The following POLE variants were observed in gnomAD, a reference collection of about 807,000 sequenced individuals.
The protein encoded by POLE is DNA polymerase epsilon catalytic subunit A.
In POLE, 188 loss-of-function variants were observed where a neutral mutation model predicts 279.2. The observed-to-expected ratio is 0.67, with a 90% CI of 0.60 to 0.76. The LOEUF (loss-of-function observed/expected upper bound fraction) is 0.76, where lower values mean the gene tolerates loss of function less well. Among genes scored for constraint, POLE ranks in the 30% least tolerant of loss-of-function variants. The probability of loss-of-function intolerance (pLI) is 0.00; values close to 1 mark genes in which losing one functional copy is unlikely to be tolerated. For missense variants in POLE, 2,703 were observed against 3,016.7 expected (o/e 0.90, Z 2.44); for synonymous variants, 1,214 against 1,172.5 (o/e 1.04, Z -0.72).
At chr12:132,681,102 C>T (rs2136033127) in intron 2 of POLE, 36 bp downstream of exon 2, 1 of 1,612,062 alleles carries the variant, frequency 6.2e-7, no homozygotes, top group South Asian at 1.1e-5. Flanking sequence ...AGGGTTGCAG[C>T]CATATTCCTG....
At chr12:132,650,652 G>A (rs1186025293) in intron 29 of POLE, 2 of 152,164 alleles carry the variant, frequency 1.3e-5, no homozygotes, top group East Asian at 3.9e-4. Context: ...AAAATAAAAC[G>A]TCACTCAATA....
In POLE at chr12:132,641,844, C is replaced by T. The variant is rs1057523212; in HGVS notation, c.5181G>A (p.Val1727=). The change falls in exon 39 of 49, where the codon GTG becomes GTA. Residue 1727 remains valine (V), a synonymous_variant. Coordinates refer to ENST00000320574, the MANE Select transcript of POLE (RefSeq NM_006231.4). The part of the protein sequence containing the change: ...NSSGCYSTVC[V]ELDLQNLAVN... ...CGGCCAGGTTCTGAAGGTCCAGCTC[C>T]ACACACACTGCACAGGAAGACGCCA... 1.0e-5 allele frequency: 16 copies of T among 1,599,780 alleles called. No homozygotes were observed. The highest frequency in any genetic ancestry group is 1.2e-5 in the Non-Finnish European group (14 of 1,179,844).
Position 132,664,027 on chromosome 12 carries a change from C to T in POLE, c.2683G>A (p.Ala895Thr), listed in dbSNP as rs201115064. Reference sequence around the variant, plus strand: ...ACCTTGACCATGATGTTCAACATGGCGCCTGGGTAGGAGATGGTCACTTTG... The same window carrying T: ...ACCTTGACCATGATGTTCAACATGGTGCCTGGGTAGGAGATGGTCACTTTG... Reference protein sequence around the residue: ...KPKVTISYPGAMLNIMVKEGF... With the variant: ...KPKVTISYPGTMLNIMVKEGF... The change falls in exon 23 of 49, where the codon GCC becomes ACC. Residue 895 changes from alanine (A) to threonine (T), a missense_variant. Around this residue, in one of 5 missense-constraint regions of POLE, gnomAD observed 101 missense variants for 115.4 expected, o/e 0.87. Transcript: ENST00000320574. The surrounding 1 kb of genome is among the most constrained non-coding windows in gnomAD (Gnocchi z 5.3). 1.9e-4 allele frequency: 299 copies of T among 1,614,004 alleles called. 3 individuals are homozygous for T. The highest frequency in any genetic ancestry group is 2.1e-4 in the Non-Finnish European group (246 of 1,180,030).
chr12:132,686,306 G>A (rs999646845), intron 1 of POLE, among the ~76,000 whole-genome samples: 1 of 152,182 alleles, frequency 6.6e-6, no homozygotes, highest in Non-Finnish European at 1.5e-5. Flanking sequence ...CGCCCAGGCT[G>A]GAGTGCGGTG....
In POLE at chr12:132,661,100, C is replaced by T. The variant is rs142563997; in HGVS notation, c.2929G>A (p.Gly977Arg). The change falls in exon 25 of 49, where the codon GGG becomes AGG. Residue 977 changes from glycine to arginine, a missense_variant. By Grantham distance (125) the Gly-to-Arg change is moderately radical. This residue lies in a region of POLE where 19 missense variants were observed against 51.5 expected (regional missense o/e 0.37). Transcript: ENST00000320574. This position sits in a 1 kb window ranked among gnomAD's most constrained non-coding sequence, Gnocchi z 4.1. ...ELKGFEVKRRGELQLIKIFQS... is the reference protein window; with the variant it reads ...ELKGFEVKRRRELQLIKIFQS... ...AAGATCTTAATCAGCTGCAGTTCCC[C>T]GCGGCGTTTGACCTCAAAGCCCTTG... 1.7e-5 allele frequency: 28 copies of T among 1,613,892 alleles called. No homozygotes were observed. Among genetic ancestry groups the T allele is most frequent in the Admixed American group, 1.7e-5 (1 of 59,974 alleles).
At position 132,664,948 on chromosome 12, in the gene POLE, ACACGCAGACAT is replaced by A. The variant is rs2135960053; in HGVS notation, c.2468+343_2468+353del. Among the ~76,000 whole-genome samples, 1 of 144,860 alleles carries A rather than the reference ACACGCAGACAT, an allele frequency of 6.9e-6. No individual in the cohort carries two copies. The highest frequency in any genetic ancestry group is 1.5e-5 in the Non-Finnish European group (1 of 66,440). On this transcript the variant is annotated intron_variant, in intron 21 of 48. Transcript: ENST00000320574. This position sits in a 1 kb window ranked among gnomAD's most constrained non-coding sequence, Gnocchi z 5.3. ...TCAGTTGCTTCTCTGCCCCTCCCGG[ACACGCAGACAT>A]GCTGTGAAGCAACTGCCCGACACTC... is the stretch of plus-strand genomic sequence containing the variant.
Position 132,664,274 on chromosome 12 carries a change from G to A in POLE, c.2561+96C>T. The A allele has an allele frequency of 1.5e-6, 2 of 1,328,536 alleles. No individual in the cohort carries two copies. Among genetic ancestry groups the A allele is most frequent in the South Asian group, 2.4e-5 (2 of 84,270 alleles). 82.3% of individuals were successfully genotyped at this position (1,328,536 alleles called of 1,614,324 possible). A position where few individuals can be genotyped will look rare whatever the true frequency, so the allele number is the denominator to read the frequency against. On this transcript the variant is annotated intron_variant, in intron 22 of 48. Transcript: ENST00000320574. The surrounding 1 kb of genome is among the most constrained non-coding windows in gnomAD (Gnocchi z 5.3). ...CTCCAGCCTTCCCTCCTTCCTTCCT[G>A]CCCAGTGTGTGGCCTCCAGCCTTCC...
At chr12:132,680,949 G>C in intron 2 of POLE, 189 bp downstream of exon 2, 1 of 667,154 alleles carries the variant, frequency 1.5e-6, no homozygotes, top group Non-Finnish European at 2.5e-6. Context: ...ATCACCTCCG[G>C]CTTCTCACAG....
intron 29 of POLE, among the ~76,000 whole-genome samples, chr12:132,654,985 C>T (rs986056594): frequency 6.6e-6 from 1 of 152,144 alleles, no homozygotes; most frequent in Non-Finnish European, 1.5e-5. Context: ...CCACTACAAC[C>T]TCAAATTCCT....
At chr12:132,648,790 C>CACA in intron 32 of POLE, 139 bp downstream of exon 32, 1 of 923,452 alleles carries the variant, frequency 1.1e-6, no homozygotes, top group Non-Finnish European at 1.6e-6. Flanking sequence ...GCTCAGCGCT[C>CACA]ACACACGTTG....
In POLE at chr12:132,634,467, G is replaced by A. The variant is rs2041996962; in HGVS notation, c.5812-89C>T. 16 of 1,306,270 alleles carry A rather than the reference G, an allele frequency of 1.2e-5. No individual in the cohort carries two copies. The highest frequency in any genetic ancestry group is 1.7e-5 in the Non-Finnish European group (16 of 928,774). The allele number at this position is 1,306,270 out of a possible 1,614,324, so 80.9% of individuals were successfully genotyped here. ...CCACAGCGAAGGCTCCTCCAACCTG[G>A]GTCCATCTGCCCCGTTTGACCAGAG... On this transcript the variant is annotated intron_variant, in intron 42 of 48. Coordinates refer to ENST00000320574, the MANE Select transcript of POLE (RefSeq NM_006231.4). This position sits in a 1 kb window ranked among gnomAD's most constrained non-coding sequence, Gnocchi z 4.0.
intron 26 of POLE, 189 bp from the exon 27 acceptor site, chr12:132,658,159 T>C (rs1361628199): frequency 5.5e-6 from 3 of 548,442 alleles, no homozygotes; most frequent in South Asian, 2.0e-5. Flanking sequence ...CACGTGCGTA[T>C]GTGTAAACAC....
Position 132,672,316 on chromosome 12 carries a change from C to G in POLE, c.1693G>C (p.Ala565Pro), listed in dbSNP as rs747247890. The G allele has an allele frequency of 6.2e-7, 1 of 1,613,806 alleles. No homozygotes were observed. The highest frequency in any genetic ancestry group is 1.7e-5 in the Admixed American group (1 of 60,028). Residue 565 changes from alanine (A) to proline (P), a missense_variant, in exon 16 of 49, where the codon GCC becomes CCC. Physicochemically the swap from Ala to Pro is conservative, Grantham distance 27. Coordinates refer to ENST00000320574, the MANE Select transcript of POLE (RefSeq NM_006231.4). ...CGCTGCAGCAGGAAGTCAAAGGCGG[C>G]AGGATTCTAGCACAACAGTGAGACG... ...DIPCRFRMNP[A>P]AFDFLLQRVE...
At chr12:132,628,145 C>G (rs2041870706) in intron 45 of POLE, among the ~76,000 whole-genome samples, 1 of 150,662 alleles carries the variant, frequency 6.6e-6, no homozygotes, top group Admixed American at 6.6e-5. Flanking sequence ...AGATCGAGAC[C>G]ATCCTGGCTA....
chr12:132,632,045 GAACAAGT>G (rs2041943461), intron 45 of POLE, among the ~76,000 whole-genome samples: 2 of 152,182 alleles, frequency 1.3e-5, no homozygotes, highest in African/African-American at 4.8e-5. Context: ...TTGGTGGAAT[GAACAAGT>G]AACTTACACC....
At position 132,668,842 on chromosome 12, in the gene POLE, T is replaced by C. The variant is rs1378067595; in HGVS notation, c.1892A>G (p.Tyr631Cys). 1.2e-6 allele frequency: 2 copies of C among 1,613,996 alleles called. No homozygotes were observed. The highest frequency in any genetic ancestry group is 1.7e-6 in the Non-Finnish European group (2 of 1,179,950). ...LIYHLDVGAM[Y>C]PNIILTNRLQ... ...GCGGTTGGTCAGGATGATGTTGGGG[T>C]ACATGGCCCCCACGTCCAGGTGGTA... Residue 631 changes from tyrosine (Y) to cysteine (C), a missense_variant, in exon 17 of 49, where the codon TAC becomes TGC. Tyr to Cys is a radical substitution (Grantham distance 194). Coordinates refer to ENST00000320574, the MANE Select transcript of POLE (RefSeq NM_006231.4). This position sits in a 1 kb window ranked among gnomAD's most constrained non-coding sequence, Gnocchi z 4.0.
rs2136009511 is a variant in POLE at position 132,675,507 on chromosome 12, C to T, written c.1117G>A (p.Glu373Lys). 6.2e-7 allele frequency: 1 copy of T among 1,614,052 alleles called. No individual in the cohort carries two copies. Among genetic ancestry groups the T allele is most frequent in the Non-Finnish European group, 8.5e-7 (1 of 1,180,014 alleles). The change falls in exon 12 of 49, where the codon GAG (glutamate) becomes AAG (lysine). Residue 373 changes from glutamate (E) to lysine (K), a missense_variant. By Grantham distance (56) the Glu-to-Lys change is moderately conservative. Coordinates refer to ENST00000320574, the MANE Select transcript of POLE (RefSeq NM_006231.4). This position sits in a 1 kb window ranked among gnomAD's most constrained non-coding sequence, Gnocchi z 4.3. The part of the protein sequence containing the change: ...NGDFFDWPFV[E>K]ARAAVHGLSM... Reference sequence around the variant, plus strand: ...AGACCGTGGACTGCTGCCCGGGCCTCCACAAATGGCCTGGGTTGGAAAGAG... The same window carrying T: ...AGACCGTGGACTGCTGCCCGGGCCTTCACAAATGGCCTGGGTTGGAAAGAG...
rs991394306 is a variant in POLE at position 132,675,369 on chromosome 12, G to A, written c.1226+29C>T. 1 of 1,610,842 alleles carries A rather than the reference G, an allele frequency of 6.2e-7. No homozygotes were observed. The highest frequency in any genetic ancestry group is 2.2e-5 in the East Asian group (1 of 44,864). The stretch of plus-strand genomic sequence containing the variant: ...TCAGATCTCGCTCACGGACAGCAGT[G>A]AGGAGCCATGCTGCTCTGTGGCCCC... On this transcript the variant is annotated intron_variant, in intron 12 of 48. Coordinates refer to ENST00000320574, the MANE Select transcript of POLE (RefSeq NM_006231.4). This position sits in a 1 kb window ranked among gnomAD's most constrained non-coding sequence, Gnocchi z 4.3.
At chr12:132,685,968 C>T (rs2043251981) in intron 1 of POLE, among the ~76,000 whole-genome samples, 1 of 152,042 alleles carries the variant, frequency 6.6e-6, no homozygotes, top group Non-Finnish European at 1.5e-5. Flanking sequence ...CTCCGCCTGC[C>T]GCGTTCAAGT....
Sources: allele counts gnomAD v4.1 joint callset (sites outside exome capture counted in the v4.1 genomes callset), GRCh38; gene constraint gnomAD v4.1.1; regional missense constraint gnomAD v4.1.1; non-coding constraint Gnocchi (gnomAD v3.1); transcripts MANE v1.5; gene names NCBI Gene and HGNC (gene_info 2026-07-23, HGNC 2026-07-21).